Variants in C4orf54 observed in about 807,000 individuals in gnomAD.
The protein encoded by C4orf54 is chromosome 4 open reading frame 54.
Under a neutral mutation model 80.1 loss-of-function variants are expected in C4orf54, and 67 were observed. The ratio of observed to expected loss-of-function variants is 0.84; its 90% confidence interval spans 0.69 to 1.03. The LOEUF is 1.03. Ranked by LOEUF, C4orf54 falls within the 50% of genes least tolerant of loss-of-function variation. The probability of loss-of-function intolerance (pLI) is 0.00; values close to 1 mark genes in which losing one functional copy is unlikely to be tolerated. For missense variants in C4orf54, 2,434 were observed against 2,253.5 expected (o/e 1.08, Z -1.62); for synonymous variants, 1,000 against 917.0 (o/e 1.09, Z -1.64).
rs1726505293 is a variant in C4orf54 at position 99,636,555 on chromosome 4, A to G, written c.*4678T>C. 1 of 151,262 alleles carries G rather than the reference A, an allele frequency of 6.6e-6. No individual in the cohort carries two copies. The highest frequency in any genetic ancestry group is 2.4e-5 in the African/African-American group (1 of 41,154). 9.4% of individuals were successfully genotyped at this position (151,262 alleles called of 1,614,324 possible). A position where few individuals can be genotyped will look rare whatever the true frequency, so the allele number is the denominator to read the frequency against. On this transcript the variant is annotated 3_prime_UTR_variant, in exon 3 of 3. Coordinates refer to ENST00000511828, the MANE Select transcript of C4orf54 (RefSeq NM_001354435.2). ...TTTCTTTGAAGTAATTTTTACTGGGAAAAAAAAACAATAAAACATTTTTTT... is the reference window on the plus strand; with the variant it reads ...TTTCTTTGAAGTAATTTTTACTGGGGAAAAAAAACAATAAAACATTTTTTT...
At chr4:99,656,093 C>A (rs2110259029) in intron 1 of C4orf54, among the ~76,000 whole-genome samples, 1 of 151,922 alleles carries the variant, frequency 6.6e-6, no homozygotes, top group East Asian at 1.9e-4. Context: ...TGACTTAAGG[C>A]AAGACTAAAA....
chr4:99,643,792 A>ACACACACACCCCCCC (rs61130907), intron 2 of C4orf54, among the ~76,000 whole-genome samples: 2 of 98,860 alleles, frequency 2.0e-5, no homozygotes, highest in Non-Finnish European at 3.9e-5. Context: ...ACACACACAC[A>ACACACACACCCCCCC]CCCCCTCCGC....
In C4orf54 at chr4:99,652,594, C is replaced by T. The variant is rs766605980; in HGVS notation, c.2055G>A (p.Ala685=). The change falls in exon 2 of 3, where the codon GCG becomes GCA. Residue 685 remains alanine, a synonymous_variant. Coordinates refer to ENST00000511828, the MANE Select transcript of C4orf54 (RefSeq NM_001354435.2). The stretch of plus-strand genomic sequence containing the variant: ...TCCTCAGACCTGCAGCCACAGAGGC[C>T]GCGCTGCTCCTGAGGAGGCTCTGCT... ...RVEQSLLRSS[A]ASVAAGLRKG... 3.8e-5 allele frequency: 59 copies of T among 1,535,918 alleles called. 1 individual carries two copies. The South Asian group carries it at 6.5e-4, about 17-fold the overall frequency.
chr4:99,642,460 A>C (rs1726622544), intron 2 of C4orf54, among the ~76,000 whole-genome samples: 1 of 152,218 alleles, frequency 6.6e-6, no homozygotes, highest in Non-Finnish European at 1.5e-5. Flanking sequence ...CTGAGAAATG[A>C]AGGAGAAATC....
At chr4:99,642,774 T>C (rs926687677) in intron 2 of C4orf54, among the ~76,000 whole-genome samples, 3 of 152,098 alleles carry the variant, frequency 2.0e-5, no homozygotes, top group Non-Finnish European at 4.4e-5. Context: ...CTTCCCACGG[T>C]TTTAGGACCA....
chr4:99,641,803 T>A (rs1446973890), intron 2 of C4orf54, among the ~76,000 whole-genome samples: 1 of 152,178 alleles, frequency 6.6e-6, no homozygotes, highest in Non-Finnish European at 1.5e-5. Flanking sequence ...TTCTAGTATA[T>A]CTACCAGAAC....
chr4:99,654,159 C>T lies in C4orf54; in HGVS notation c.490G>A (p.Gly164Arg), dbSNP rs762636080. The part of the protein sequence containing the change: ...SKARQAEVGD[G>R]VSSAQDSQEL... ...TGGCTGTCTTGAGCACTGCTCACCCCGTCCCCCACCTCCGCCTGTCTTGCT... is the reference window on the plus strand; with the variant it reads ...TGGCTGTCTTGAGCACTGCTCACCCTGTCCCCCACCTCCGCCTGTCTTGCT... The change falls in exon 2 of 3, where the codon GGG becomes AGG. Residue 164 changes from glycine to arginine, a missense_variant. Gly to Arg is a moderately radical substitution (Grantham distance 125). Transcript: ENST00000511828. 45 of 1,536,046 alleles carry T rather than the reference C, an allele frequency of 2.9e-5. 1 individual carries two copies. Among genetic ancestry groups the T allele is most frequent in the South Asian group, 2.7e-4 (23 of 84,064 alleles).
chr4:99,657,327 T>C lies in C4orf54; in HGVS notation c.-32+168A>G, dbSNP rs564301280. Reference sequence around the variant, plus strand: ...GAGTTTCTCTCTGCAGTTGGCACACTACAAAATTGGAAGGTCATATGCCCT... The same window carrying C: ...GAGTTTCTCTCTGCAGTTGGCACACCACAAAATTGGAAGGTCATATGCCCT... On this transcript the variant is annotated intron_variant, in intron 1 of 2. Transcript: ENST00000511828. 2.2e-4 allele frequency among the ~76,000 whole-genome samples: 34 copies of C among 152,366 alleles called. No homozygotes were observed. In the South Asian group the frequency reaches 3.9e-3, roughly 18 times the overall value.
Position 99,650,864 on chromosome 4 carries a change from C to G in C4orf54, c.3785G>C (p.Arg1262Thr). ...GAAGCTGTACAGCTCTTCCATGGACCTCACGGCTGCAGTCAGCTTCTCCAG... is the reference window on the plus strand; with the variant it reads ...GAAGCTGTACAGCTCTTCCATGGACGTCACGGCTGCAGTCAGCTTCTCCAG... ...NALEKLTAAV[R>T]SMEELYSFNR... The change falls in exon 2 of 3, where the codon AGG becomes ACG. Residue 1262 changes from arginine to threonine, a missense_variant. Transcript: ENST00000511828. 6.5e-7 allele frequency: 1 copy of G among 1,536,192 alleles called. No individual in the cohort carries two copies. Among genetic ancestry groups the G allele is most frequent in the Non-Finnish European group, 8.7e-7 (1 of 1,146,928 alleles).
In C4orf54 at chr4:99,654,003, C is replaced by A. The variant is rs1035918502; in HGVS notation, c.646G>T (p.Gly216Trp). The A allele has an allele frequency of 6.5e-7, 1 of 1,535,942 alleles. No homozygotes were observed. Among genetic ancestry groups the A allele is most frequent in the African/African-American group, 1.4e-5 (1 of 72,984 alleles). Residue 216 changes from glycine (G) to tryptophan (W), a missense_variant, in exon 2 of 3, where the codon GGG (glycine) becomes TGG (tryptophan). Coordinates refer to ENST00000511828, the MANE Select transcript of C4orf54 (RefSeq NM_001354435.2). ...GCCCTCTGACCCCCAGGGCAGTGCC[C>A]CAGGGTAAGTTTCATGGTCTGGGGA... ...ESPQTMKLTL[G>W]HCPGGQRASR...
At position 99,637,375 on chromosome 4, in the gene C4orf54, T is replaced by C. The variant is rs756947284; in HGVS notation, c.*3858A>G. 2.0e-5 allele frequency: 3 copies of C among 152,140 alleles called. No homozygotes were observed. Among genetic ancestry groups the C allele is most frequent in the Non-Finnish European group, 2.9e-5 (2 of 68,008 alleles). The allele number at this position is 152,140 out of a possible 1,614,324, so 9.4% of individuals were successfully genotyped here. A position where few individuals can be genotyped will look rare whatever the true frequency, so the allele number is the denominator to read the frequency against. ...ACACAAAAGAATTCAATTTTCAGAC[T>C]CTTCCCCTGGGCCTAGTACTCACAC... On this transcript the variant is annotated 3_prime_UTR_variant, in exon 3 of 3. Transcript: ENST00000511828.
rs1004736458 is a variant in C4orf54, at chr4:99,654,497, G to A, written c.152C>T (p.Ser51Leu). 31 of 704,014 alleles carry A rather than the reference G, an allele frequency of 4.4e-5. No homozygotes were observed. Among genetic ancestry groups the A allele is most frequent in the African/African-American group, 7.0e-5 (4 of 57,270 alleles). 43.6% of individuals were successfully genotyped at this position (704,014 alleles called of 1,614,324 possible). A position where few individuals can be genotyped will look rare whatever the true frequency, so the allele number is the denominator to read the frequency against. ...QLSYRTLATV[S>L]AGAAAPQPQT... ...TGGCTGGGGGGCTGCTGCTCCGGCC[G>A]AGACTGTGGCCAGTGTTCTGTAGCT... Residue 51 changes from serine to leucine, a missense_variant, in exon 2 of 3, where the codon TCG (serine) becomes TTG (leucine). Coordinates refer to ENST00000511828, the MANE Select transcript of C4orf54 (RefSeq NM_001354435.2).
Position 99,653,075 on chromosome 4 carries a change from G to A in C4orf54, c.1574C>T (p.Pro525Leu), listed in dbSNP as rs1280854628. ...AGGCTCATTTATAGCCCGGGAAGCC[G>A]GTTTGATTGATAGGAGGATCTGGCT... ...AASQILLSIK[P>L]ASRAINEPSN... The change falls in exon 2 of 3, where the codon CCG becomes CTG. Residue 525 changes from proline (P) to leucine (L), a missense_variant. By Grantham distance (98) the Pro-to-Leu change is moderately conservative. Transcript: ENST00000511828. 3.9e-6 allele frequency: 6 copies of A among 1,536,146 alleles called. No individual in the cohort carries two copies. The highest frequency in any genetic ancestry group is 1.2e-5 in the South Asian group (1 of 84,068).
intron 2 of C4orf54, among the ~76,000 whole-genome samples, chr4:99,644,022 C>A (rs1726655574): frequency 6.6e-6 from 1 of 151,998 alleles, no homozygotes; most frequent in African/African-American, 2.4e-5. Flanking sequence ...AAAGTCCTGA[C>A]ACAAAGAACA....
chr4:99,653,669 C>G lies in C4orf54; in HGVS notation c.980G>C (p.Gly327Ala), dbSNP rs1291897256. The G allele has an allele frequency of 2.0e-6, 3 of 1,524,562 alleles. No individual in the cohort carries two copies. In the African/African-American group the frequency reaches 4.1e-5, roughly 21 times the overall value. The allele number at this position is 1,524,562 out of a possible 1,614,324, so 94.4% of individuals were successfully genotyped here. The part of the protein sequence containing the change: ...AVGGEGEKIS[G>A]GGGGGKGGGG... ...TCCTCCTTTTCCTCCTCCCCCTCCTCCTGATATTTTCTCTCCTTCTCCTCC... is the reference window on the plus strand; with the variant it reads ...TCCTCCTTTTCCTCCTCCCCCTCCTGCTGATATTTTCTCTCCTTCTCCTCC... Residue 327 changes from glycine to alanine, a missense_variant, in exon 2 of 3, where the codon GGA becomes GCA. By Grantham distance (60) the Gly-to-Ala change is moderately conservative. Transcript: ENST00000511828.
chr4:99,652,561 A>C lies in C4orf54; in HGVS notation c.2088T>G (p.Ser696Arg). 6.5e-7 allele frequency: 1 copy of C among 1,535,930 alleles called. No individual in the cohort carries two copies. The highest frequency in any genetic ancestry group is 8.7e-7 in the Non-Finnish European group (1 of 1,146,868). The part of the protein sequence containing the change: ...ASVAAGLRKG[S>R]GARATADQLY... ...GCTGGTCGGCAGTGGCCCGGGCCCC[A>C]CTGCCCTTCCTCAGACCTGCAGCCA... Residue 696 changes from serine (S) to arginine (R), a missense_variant, in exon 2 of 3, where the codon AGT becomes AGG. By Grantham distance (110) the Ser-to-Arg change is moderately radical. Coordinates refer to ENST00000511828, the MANE Select transcript of C4orf54 (RefSeq NM_001354435.2).
Position 99,649,725 on chromosome 4 carries a change from G to T in C4orf54, c.4924C>A (p.Gln1642Lys). Reference protein sequence around the residue: ...TRRLFDPETGQYVDVPMTSQQ... With the variant: ...TRRLFDPETGKYVDVPMTSQQ... ...GAGGTCATGGGCACATCCACATACTGCCCTGTCTCAGGGTCAAACAGTCTC... is the reference window on the plus strand; with the variant it reads ...GAGGTCATGGGCACATCCACATACTTCCCTGTCTCAGGGTCAAACAGTCTC... The change falls in exon 2 of 3, where the codon CAG becomes AAG. Residue 1642 changes from glutamine to lysine, a missense_variant. Physicochemically the swap from Gln to Lys is moderately conservative, Grantham distance 53 (BLOSUM62 1). Coordinates refer to ENST00000511828, the MANE Select transcript of C4orf54 (RefSeq NM_001354435.2). 6.5e-7 allele frequency: 1 copy of T among 1,536,198 alleles called. No homozygotes were observed. Among genetic ancestry groups the T allele is most frequent in the Non-Finnish European group, 8.7e-7 (1 of 1,146,918 alleles).
Position 99,653,909 on chromosome 4 carries a change from G to T in C4orf54, c.740C>A (p.Pro247His). The stretch of plus-strand genomic sequence containing the variant: ...GGATCTAGAGAGTTGGGAGGAGGCA[G>T]GATTGTTCTGGGGGCTTGGAGTCTT... ...SSKTPSPQNN[P>H]ASSQLSRSQH... Residue 247 changes from proline to histidine, a missense_variant, in exon 2 of 3, where the codon CCT (proline) becomes CAT (histidine). Transcript: ENST00000511828. 6.5e-7 allele frequency: 1 copy of T among 1,536,254 alleles called. No individual in the cohort carries two copies.
intron 2 of C4orf54, among the ~76,000 whole-genome samples, chr4:99,641,799 T>C (rs894636330): frequency 3.2e-4 from 49 of 152,302 alleles, no homozygotes; most frequent in African/African-American, 1.1e-3. Context: ...TAAGTTCTAG[T>C]ATATCTACCA....
Sources: allele counts gnomAD v4.1 joint callset (sites outside exome capture counted in the v4.1 genomes callset), GRCh38; gene constraint gnomAD v4.1.1; transcripts MANE v1.5; gene names NCBI Gene and HGNC (gene_info 2026-07-23, HGNC 2026-07-21).